The following SLC25A21 variants were observed in gnomAD, a reference collection of about 807,000 sequenced individuals.
The protein encoded by SLC25A21 is mitochondrial 2-oxodicarboxylate carrier.
A neutral mutation model predicts 43.8 loss-of-function variants in SLC25A21; 47 were observed. That is an observed-to-expected ratio of 1.07 (90% CI 0.85 to 1.37). The LOEUF is 1.37. Among genes scored for constraint, SLC25A21 ranks in the 40% most tolerant of loss-of-function variants. SLC25A21 has a pLI of 0.00. For synonymous variants in SLC25A21, 131 were observed against 121.3 expected, an observed-to-expected ratio of 1.08 and a Z score of -0.52; for missense variants, 352 against 350.2, an observed-to-expected ratio of 1.00 and a Z score of -0.04.
At chr14:36,955,688 A>G (rs1239599582) in intron 1 of SLC25A21, among the ~76,000 whole-genome samples, 1 of 152,154 alleles carries the variant, frequency 6.6e-6, no homozygotes, top group Non-Finnish European at 1.5e-5. Flanking sequence ...TCTACACATC[A>G]AGATTTGCAC....
chr14:36,839,009 C>T (rs1340169266), intron 2 of SLC25A21, among the ~76,000 whole-genome samples: 1 of 152,180 alleles, frequency 6.6e-6, no homozygotes, highest in African/African-American at 2.4e-5. Flanking sequence ...GAATGAAGTT[C>T]TTTAATCTAC....
At chr14:37,055,399 T>A (rs932844503) in intron 1 of SLC25A21, among the ~76,000 whole-genome samples, 2 of 152,200 alleles carry the variant, frequency 1.3e-5, no homozygotes, top group African/African-American at 4.8e-5. Flanking sequence ...TGGCCAGATA[T>A]CTTCACTGCT....
intron 1 of SLC25A21, among the ~76,000 whole-genome samples, chr14:36,944,807 C>A (rs1892644075): frequency 6.6e-6 from 1 of 152,100 alleles, no homozygotes; most frequent in African/African-American, 2.4e-5. Flanking sequence ...AAACACTGAC[C>A]CAAGATGAGA....
intron 1 of SLC25A21, among the ~76,000 whole-genome samples, chr14:37,088,521 C>T (rs1017158142): frequency 2.0e-5 from 3 of 152,146 alleles, no homozygotes; most frequent in African/African-American, 7.2e-5. Flanking sequence ...CCTCCTGCCA[C>T]GTATCTAAAA....
intron 3 of SLC25A21, among the ~76,000 whole-genome samples, chr14:36,739,058 T>C (rs942875305): frequency 3.9e-5 from 6 of 152,210 alleles, no homozygotes; most frequent in African/African-American, 4.8e-5. Flanking sequence ...CACCAGGCTA[T>C]ACTGTATAGC....
chr14:37,067,651 A>G (rs1276446014), intron 1 of SLC25A21, among the ~76,000 whole-genome samples: 1 of 152,234 alleles, frequency 6.6e-6, no homozygotes, highest in Non-Finnish European at 1.5e-5. Context: ...CATGAACAAA[A>G]GTATGGAGGC....
intron 6 of SLC25A21, among the ~76,000 whole-genome samples, chr14:36,720,856 G>C (rs1884343106): frequency 6.6e-6 from 1 of 152,164 alleles, no homozygotes; most frequent in Admixed American, 6.5e-5. Context: ...TGAGTTTAAA[G>C]ACCTTATCAA....
At chr14:36,732,354 T>C (rs1439987524) in intron 4 of SLC25A21, among the ~76,000 whole-genome samples, 1 of 152,068 alleles carries the variant, frequency 6.6e-6, no homozygotes, top group Non-Finnish European at 1.5e-5. Flanking sequence ...ATGGGAAAAC[T>C]GGTATTTCTG....
rs200206782 is a variant in SLC25A21, at chr14:36,810,960, G to C, written c.203+2958C>G. On this transcript the variant is annotated intron_variant, in intron 3 of 9. Coordinates refer to ENST00000331299, the MANE Select transcript of SLC25A21 (RefSeq NM_030631.4). Reference sequence around the variant, plus strand: ...ATTCAGCATATGATAGAGAAAAGAGGGTCAGGGAGGGTGAAATATGAAGTC... The same window carrying C: ...ATTCAGCATATGATAGAGAAAAGAGCGTCAGGGAGGGTGAAATATGAAGTC... Among the ~76,000 whole-genome samples the C allele has an allele frequency of 1.3e-3, 42 of 31,966 alleles. 1 individual carries two copies. Among genetic ancestry groups the C allele is most frequent in the African/African-American group, 3.4e-3 (41 of 12,058 alleles). 21.0% of individuals were successfully genotyped at this position (31,966 alleles called of 152,430 possible). A position where few individuals can be genotyped will look rare whatever the true frequency, so the allele number is the denominator to read the frequency against.
intron 3 of SLC25A21, among the ~76,000 whole-genome samples, chr14:36,779,604 G>GTATATA (rs1346791998): frequency 3.9e-5 from 2 of 51,876 alleles, no homozygotes; most frequent in Non-Finnish European, 8.2e-5. Context: ...ATGTATATGT[G>GTATATA]TATACATATA....
chr14:36,787,253 T>C (rs1887284463), intron 3 of SLC25A21, among the ~76,000 whole-genome samples: 1 of 152,100 alleles, frequency 6.6e-6, no homozygotes, highest in African/African-American at 2.4e-5. Flanking sequence ...TATACTCTAC[T>C]CAGAATATCT....
At chr14:36,886,621 G>A (rs558214198) in intron 1 of SLC25A21, among the ~76,000 whole-genome samples, 8 of 152,232 alleles carry the variant, frequency 5.3e-5, no homozygotes, top group African/African-American at 1.7e-4. Context: ...GGTAAATGGA[G>A]CATGTCTAAA....
intron 1 of SLC25A21, among the ~76,000 whole-genome samples, chr14:36,876,920 G>GATAA (rs1890547596): frequency 7.2e-6 from 1 of 138,062 alleles, no homozygotes; most frequent in African/African-American, 2.6e-5. Context: ...TAGATAGATA[G>GATAA]ATAGATAGAT....
chr14:36,718,967 A>C lies in SLC25A21; in HGVS notation c.438+6603T>G, dbSNP rs143030373. Among the ~76,000 whole-genome samples, 692 of 152,316 alleles carry C rather than the reference A, an allele frequency of 4.5e-3. 5 individuals carry two copies. The highest frequency in any genetic ancestry group is 0.016 in the African/African-American group (667 of 41,562). ...TTGGGGTGAGAATGATTATGTTCATATGTAACGTAGATAAAAAATGACAGA... is the reference window on the plus strand; with the variant it reads ...TTGGGGTGAGAATGATTATGTTCATCTGTAACGTAGATAAAAAATGACAGA... On this transcript the variant is annotated intron_variant, in intron 6 of 9. Coordinates refer to ENST00000331299, the MANE Select transcript of SLC25A21 (RefSeq NM_030631.4).
At position 36,725,652 on chromosome 14, in the gene SLC25A21, G is replaced by T; in HGVS notation, c.356C>A (p.Ser119Tyr). 6.3e-7 allele frequency: 1 copy of T among 1,597,432 alleles called. No homozygotes were observed. ...AACTACAATGGCTTCTGTTAGTCCA[G>T]ATCCCAATCCAGCAATGGCGAATGT... ...ALTFAIAGLG[S>Y]GLTEAIVVNP... The change falls in exon 6 of 10, where the codon TCT becomes TAT. Residue 119 changes from serine (S) to tyrosine (Y), a missense_variant. By Grantham distance (144) the Ser-to-Tyr change is moderately radical. Coordinates refer to ENST00000331299, the MANE Select transcript of SLC25A21 (RefSeq NM_030631.4).
chr14:36,815,321 G>A (rs1888417149), intron 2 of SLC25A21, among the ~76,000 whole-genome samples: 1 of 151,690 alleles, frequency 6.6e-6, no homozygotes, highest in African/African-American at 2.4e-5. Flanking sequence ...ATGTATCCTG[G>A]AACTTAAAGT....
intron 3 of SLC25A21, among the ~76,000 whole-genome samples, chr14:36,809,333 A>G (rs1346111214): frequency 6.6e-6 from 1 of 152,178 alleles, no homozygotes; most frequent in African/African-American, 2.4e-5. Context: ...TGTGTTACAG[A>G]AAACAGTGTC....
intron 3 of SLC25A21, among the ~76,000 whole-genome samples, chr14:36,748,690 TTGTC>T (rs1352402043): frequency 6.6e-6 from 1 of 152,222 alleles, no homozygotes; most frequent in Non-Finnish European, 1.5e-5. Flanking sequence ...TTTGTGGACT[TTGTC>T]TGTTTCCCTG....
chr14:37,068,723 T>C (rs1962110914), intron 1 of SLC25A21, among the ~76,000 whole-genome samples: 1 of 152,226 alleles, frequency 6.6e-6, no homozygotes, highest in Non-Finnish European at 1.5e-5. Flanking sequence ...TTATACAAAT[T>C]GACTTATTAA....
Sources: gnomAD v4.1 joint callset for allele counts (sites outside exome capture counted in the v4.1 genomes callset) on GRCh38, gnomAD v4.1.1 for gene constraint, MANE v1.5 for transcripts, NCBI Gene and HGNC (gene_info 2026-07-23, HGNC 2026-07-21) for gene names.